The following MAP3K13 variants were observed in gnomAD, a reference collection of about 807,000 sequenced individuals.
MAP3K13 encodes leucine zipper-bearing kinase.
A neutral mutation model predicts 104.0 loss-of-function variants in MAP3K13; 52 were observed. That is an observed-to-expected ratio of 0.50 (90% CI 0.40 to 0.63). The LOEUF is 0.63. MAP3K13 is among the 20% of genes least tolerant of loss of function. The pLI is 0.00. For synonymous variants in MAP3K13, 394 were observed against 442.2 expected (o/e 0.89, Z 1.37); for missense variants, 914 against 1,218.5 (o/e 0.75, Z 3.72).
At chr3:185,353,306 A>G (rs1375842558) in intron 2 of MAP3K13, among the ~76,000 whole-genome samples, 1 of 152,268 alleles carries the variant, frequency 6.6e-6, no homozygotes, top group Non-Finnish European at 1.5e-5. Flanking sequence ...ACTCCAGCAC[A>G]GCCATGGGAT....
intron 1 of MAP3K13, among the ~76,000 whole-genome samples, chr3:185,389,136 T>A (rs757062144): frequency 2.2e-4 from 34 of 152,146 alleles, no homozygotes; most frequent in Non-Finnish European, 4.1e-4. Flanking sequence ...ATTACAAACC[T>A]CTGGTAAAGG....
chr3:185,478,409 C>T (rs1718251392), intron 12 of MAP3K13, among the ~76,000 whole-genome samples: 3 of 152,110 alleles, frequency 2.0e-5, no homozygotes, highest in South Asian at 2.1e-4. Flanking sequence ...GACTCCTGGC[C>T]CTTTGATAAG....
intron 1 of MAP3K13, among the ~76,000 whole-genome samples, chr3:185,388,462 A>T (rs1224516503): frequency 6.6e-6 from 1 of 152,180 alleles, no homozygotes; most frequent in Non-Finnish European, 1.5e-5. Context: ...TGATCACAGC[A>T]CTGCACTCCA....
intron 2 of MAP3K13, among the ~76,000 whole-genome samples, chr3:185,350,600 A>G (rs1723105002): frequency 6.6e-6 from 1 of 152,202 alleles, no homozygotes; most frequent in Non-Finnish European, 1.5e-5. Flanking sequence ...ACTATATGGT[A>G]TGCTAGTATT....
intron 2 of MAP3K13, among the ~76,000 whole-genome samples, chr3:185,433,841 G>A (rs4687348): frequency 0.95 from 144,779 of 152,210 alleles, 69,329 homozygotes; most frequent in East Asian, 1. Flanking sequence ...TTAGTAATTA[G>A]TCTGTTTATC....
chr3:185,351,212 G>A (rs1210319072), intron 2 of MAP3K13, among the ~76,000 whole-genome samples: 2 of 152,166 alleles, frequency 1.3e-5, no homozygotes, highest in African/African-American at 4.8e-5. Flanking sequence ...GAGGATGGGA[G>A]GAGGATGCAG....
Position 185,473,903 on chromosome 3 carries a change from AT to A in MAP3K13, c.2430+146del. 1.0e-6 allele frequency: 1 copy of A among 990,018 alleles called. No individual in the cohort carries two copies. The highest frequency in any genetic ancestry group is 1.4e-6 in the Non-Finnish European group (1 of 692,422). The allele number at this position is 990,018 out of a possible 1,614,324, so 61.3% of individuals were successfully genotyped here. ...ATAACAGAAACATAAATAGAAATTT[AT>A]TTTACTTTAAATTCGTTCTTTCCAC... On this transcript the variant is annotated intron_variant, in intron 11 of 13. Transcript: ENST00000265026. The surrounding 1 kb of genome is among the most constrained non-coding windows in gnomAD (Gnocchi z 4.9).
At chr3:185,318,305 C>A (rs1721747396) in intron 2 of MAP3K13, among the ~76,000 whole-genome samples, 1 of 152,202 alleles carries the variant, frequency 6.6e-6, no homozygotes, top group Non-Finnish European at 1.5e-5. Context: ...TCAGTTGAAA[C>A]ATACCAAGTT....
In MAP3K13 at chr3:185,330,046, ATTTTTTTTTTTTTTTTTTT is replaced by A. The variant is rs548813356; in HGVS notation, c.-86+44421_-86+44439del. 5.1e-5 allele frequency among the ~76,000 whole-genome samples: 5 copies of A among 98,278 alleles called. No individual in the cohort carries two copies. In the East Asian group the frequency reaches 1.5e-3, roughly 30 times the overall value. 64.5% of individuals were successfully genotyped at this position (98,278 alleles called of 152,430 possible). A position where few individuals can be genotyped will look rare whatever the true frequency, so the allele number is the denominator to read the frequency against. ...AGGCGCCCGCCACCATGCCTGGCTA[ATTTTTTTTTTTTTTTTTTT>A]TTTTTTTTTTTTTTTTTAGTAGAGA... On this transcript the variant is annotated intron_variant, in intron 2 of 14. Coordinates refer to the MAP3K13 transcript ENST00000424227.
intron 1 of MAP3K13, among the ~76,000 whole-genome samples, chr3:185,393,290 C>T (rs1431739843): frequency 2.6e-5 from 4 of 152,094 alleles, no homozygotes; most frequent in African/African-American, 4.8e-5. Context: ...AAAGCATATA[C>T]GCAATCAGGA....
intron 1 of MAP3K13, among the ~76,000 whole-genome samples, chr3:185,374,298 C>A (rs564298680): frequency 2.0e-5 from 3 of 151,666 alleles, no homozygotes; most frequent in Non-Finnish European, 4.4e-5. Flanking sequence ...GTTGGGGTGG[C>A]GAAAATTTTT....
At position 185,451,405 on chromosome 3, in the gene MAP3K13, G is replaced by A. The variant is rs752583674; in HGVS notation, c.1278+10G>A. On this transcript the variant is annotated intron_variant, in intron 7 of 13. Transcript: ENST00000265026. ...TTACTTCAAGTCTCAGGTAAGTTGG[G>A]AAACTTCCTACCAGGTGCTACTAAA... 6.3e-7 allele frequency: 1 copy of A among 1,585,198 alleles called. No homozygotes were observed. The highest frequency in any genetic ancestry group is 8.7e-7 in the Non-Finnish European group (1 of 1,153,766).
At chr3:185,312,570 G>A (rs912808989) in intron 2 of MAP3K13, among the ~76,000 whole-genome samples, 1 of 152,162 alleles carries the variant, frequency 6.6e-6, no homozygotes, top group Non-Finnish European at 1.5e-5. Flanking sequence ...TGCTGCCCTA[G>A]GAAGGGGATT....
chr3:185,452,129 C>A (rs1444975430), intron 7 of MAP3K13, among the ~76,000 whole-genome samples: 2 of 152,126 alleles, frequency 1.3e-5, no homozygotes, highest in African/African-American at 4.8e-5. Flanking sequence ...TAGAGAGAAC[C>A]TTTTCTCTAA....
At chr3:185,398,125 G>A (rs1240053848) in intron 1 of MAP3K13, among the ~76,000 whole-genome samples, 1 of 152,102 alleles carries the variant, frequency 6.6e-6, no homozygotes, top group South Asian at 2.1e-4. Context: ...GGACAGACTT[G>A]TGGGGGTGAG....
intron 1 of MAP3K13, among the ~76,000 whole-genome samples, chr3:185,379,304 C>T (rs939871293): frequency 2.6e-5 from 4 of 152,022 alleles, no homozygotes; most frequent in South Asian, 4.2e-4. Flanking sequence ...TTTGGGTCCA[C>T]GGATAAAAGG....
chr3:185,465,365 T>C (rs1717352001), intron 8 of MAP3K13, among the ~76,000 whole-genome samples: 1 of 152,184 alleles, frequency 6.6e-6, no homozygotes. Flanking sequence ...CCAACCACTA[T>C]ATCACACAGG....
At chr3:185,380,509 C>CA (rs564011110) in intron 1 of MAP3K13, among the ~76,000 whole-genome samples, 10,832 of 85,390 alleles carry the variant, frequency 0.13, 690 homozygotes, top group East Asian at 0.2. Context: ...GACTCCATCT[C>CA]AAAAAAAAAA....
At chr3:185,461,990 T>C (rs1229842993) in intron 7 of MAP3K13, among the ~76,000 whole-genome samples, 1 of 152,064 alleles carries the variant, frequency 6.6e-6, no homozygotes, top group East Asian at 1.9e-4. Context: ...TGGAAAACAA[T>C]AGGGAGACTC....
Sources: allele counts gnomAD v4.1 joint callset (sites outside exome capture counted in the v4.1 genomes callset), GRCh38; gene constraint gnomAD v4.1.1; non-coding constraint Gnocchi (gnomAD v3.1); transcripts MANE v1.5; gene names NCBI Gene and HGNC (gene_info 2026-07-23, HGNC 2026-07-21).